The following SH3KBP1 variants were observed in gnomAD, a reference collection of about 807,000 sequenced individuals.
SH3KBP1 encodes the protein SH3 domain containing kinase binding protein 1.
SH3KBP1 carries 8 observed loss-of-function variants against 50.1 expected under a neutral mutation model. The observed-to-expected ratio is 0.16, with a 90% CI of 0.09 to 0.29. The LOEUF is 0.29. Among genes scored for constraint, SH3KBP1 ranks in the 10% least tolerant of loss-of-function variants. The pLI is 1.00. For missense variants in SH3KBP1, 377 were observed against 535.2 expected (o/e 0.70, Z 2.92); for synonymous variants, 227 against 218.6 (o/e 1.04, Z -0.34).
rs146190918 is a variant in SH3KBP1, at chrX:19,851,065, G to C, written c.5-14783C>G. ...GGGGGGCAGGGTGGGTCATGTCTAG[G>C]CTGAAGATGATCTCCCAGGTGACTC... On this transcript the variant is annotated intron_variant, in intron 1 of 17. Coordinates refer to ENST00000397821, the MANE Select transcript of SH3KBP1 (RefSeq NM_031892.3). Among the ~76,000 whole-genome samples the C allele has an allele frequency of 1.5e-3, 166 of 111,385 alleles. 3 individuals are homozygous for C. The East Asian group carries it at 0.035, about 24-fold the overall frequency.
chrX:19,769,620 T>A (rs1422315474), intron 2 of SH3KBP1, among the ~76,000 whole-genome samples: 2 of 111,077 alleles, frequency 1.8e-5, no homozygotes, highest in Non-Finnish European at 3.8e-5. Context: ...CAATGTGTGG[T>A]TGTAATAAGC....
At chrX:19,852,653 AAAAAT>A (rs67072832) in intron 1 of SH3KBP1, among the ~76,000 whole-genome samples, 2,074 of 109,019 alleles carry the variant, frequency 0.019, 53 homozygotes, top group African/African-American at 0.059. Flanking sequence ...AAAAAAAAAA[AAAAAT>A]CCACGAACAT....
At chrX:19,602,722 T>A (rs763491971) in intron 9 of SH3KBP1, among the ~76,000 whole-genome samples, 1 of 112,045 alleles carries the variant, frequency 8.9e-6, no homozygotes, top group Non-Finnish European at 1.9e-5. Context: ...TCTTTTAAGA[T>A]GATTCTAAAT....
At chrX:19,863,895 T>C (rs1241465955) in intron 1 of SH3KBP1, among the ~76,000 whole-genome samples, 1 of 112,329 alleles carries the variant, frequency 8.9e-6, no homozygotes, top group South Asian at 3.7e-4. Flanking sequence ...TTTATTTTCT[T>C]TGGGGCCAGA....
chrX:19,820,675 TG>T (rs2067499909), intron 2 of SH3KBP1, among the ~76,000 whole-genome samples: 1 of 111,378 alleles, frequency 9.0e-6, no homozygotes, highest in Non-Finnish European at 1.9e-5. Flanking sequence ...GTTTTTTAAT[TG>T]GTATATTTAA....
chrX:19,881,794 A>C (rs992273860), intron 1 of SH3KBP1, among the ~76,000 whole-genome samples: 2 of 112,057 alleles, frequency 1.8e-5, no homozygotes, highest in Non-Finnish European at 3.8e-5. Flanking sequence ...GAAGAAAAGA[A>C]GGGAGGACTG....
chrX:19,704,158 T>C (rs747354396), intron 4 of SH3KBP1, among the ~76,000 whole-genome samples: 1 of 112,455 alleles, frequency 8.9e-6, no homozygotes, highest in South Asian at 3.6e-4. Flanking sequence ...ATAGACTATA[T>C]GGTTATTTTT....
At chrX:19,873,297 TATATATATATATATAC>T (rs1243844756) in intron 1 of SH3KBP1, among the ~76,000 whole-genome samples, 102 of 99,535 alleles carry the variant, frequency 1.0e-3, no homozygotes, top group African/African-American at 3.9e-3. Context: ...TATGTATATA[TATATATATATATATAC>T]ATATACATAT....
At chrX:19,814,675 C>G (rs1048267602) in intron 2 of SH3KBP1, among the ~76,000 whole-genome samples, 1 of 111,500 alleles carries the variant, frequency 9.0e-6, no homozygotes, top group African/African-American at 3.3e-5. Flanking sequence ...TTTCATGAGG[C>G]CTTTCCTGGC....
chrX:19,588,465 G>A, intron 12 of SH3KBP1, 178 bp downstream of exon 12: 6 of 1,179,579 alleles, frequency 5.1e-6, no homozygotes, highest in Non-Finnish European at 6.8e-6. Context: ...CCTGAGTGCA[G>A]GAGCAAGGAC....
chrX:19,567,516 CTCAAAAAAAAAAAAAAAAA>C (rs1350016331), intron 13 of SH3KBP1, among the ~76,000 whole-genome samples: 12 of 19,076 alleles, frequency 6.3e-4, no homozygotes, highest in African/African-American at 2.3e-3. Flanking sequence ...AAGACTCCAT[CTCAAAAAAAAAAAAAAAAA>C]AAAAAAAAAA....
chrX:19,668,470 T>A (rs1490705565), intron 6 of SH3KBP1, among the ~76,000 whole-genome samples: 2 of 102,889 alleles, frequency 1.9e-5, no homozygotes, highest in Admixed American at 2.1e-4. Context: ...TCATAGAAAG[T>A]TTTTAAAAAC....
At chrX:19,822,237 T>C (rs2067550392) in intron 2 of SH3KBP1, among the ~76,000 whole-genome samples, 1 of 112,336 alleles carries the variant, frequency 8.9e-6, no homozygotes, top group African/African-American at 3.2e-5. Flanking sequence ...TTTTCAGTCA[T>C]CATTTCGTTC....
chrX:19,546,204 C>T (rs925008558), intron 14 of SH3KBP1, among the ~76,000 whole-genome samples, 154 bp from the exon 15 acceptor site: 4 of 112,462 alleles, frequency 3.6e-5, no homozygotes, highest in Non-Finnish European at 5.6e-5. Context: ...CTGTTATGCA[C>T]GCGCTCAAGT....
intron 13 of SH3KBP1, among the ~76,000 whole-genome samples, chrX:19,561,013 G>T (rs370586590): frequency 1.9e-5 from 2 of 103,526 alleles, no homozygotes; most frequent in East Asian, 6.0e-4. Flanking sequence ...GGTTGAGCAT[G>T]CAGTGAGCTG....
chrX:19,572,309 C>T (rs763327785), intron 12 of SH3KBP1, among the ~76,000 whole-genome samples: 1 of 102,737 alleles, frequency 9.7e-6, no homozygotes, highest in African/African-American at 3.5e-5. Flanking sequence ...ATATATAGTA[C>T]ATATGTTATA....
chrX:19,720,143 G>A (rs1168201734), intron 3 of SH3KBP1, among the ~76,000 whole-genome samples: 2 of 110,538 alleles, frequency 1.8e-5, no homozygotes, highest in Non-Finnish European at 3.8e-5. Flanking sequence ...CTTCCAATCA[G>A]AGTGAGATAA....
At chrX:19,601,525 G>A (rs934351109) in intron 9 of SH3KBP1, 1 of 111,794 alleles carries the variant, frequency 8.9e-6, no homozygotes, top group African/African-American at 3.3e-5. Context: ...ACCTTTAAAG[G>A]GCTTCGTTAG....
At chrX:19,576,297 A>G (rs1050045304) in intron 12 of SH3KBP1, among the ~76,000 whole-genome samples, 2 of 111,401 alleles carry the variant, frequency 1.8e-5, no homozygotes, top group African/African-American at 6.5e-5. Flanking sequence ...CACACCAGGT[A>G]TAAGTAGAAC....
Sources: allele counts gnomAD v4.1 joint callset (sites outside exome capture counted in the v4.1 genomes callset), GRCh38; gene constraint gnomAD v4.1.1; transcripts MANE v1.5; gene names NCBI Gene and HGNC (gene_info 2026-07-23, HGNC 2026-07-21).